The following JMJD1C variants were observed in gnomAD, a reference collection of about 807,000 sequenced individuals.
JMJD1C encodes the protein jumonji domain containing 1C.
In JMJD1C, 31 loss-of-function variants were observed where a neutral mutation model predicts 245.3. The observed-to-expected ratio is 0.13, with a 90% CI of 0.09 to 0.17. The LOEUF is 0.17. Among genes scored for constraint, JMJD1C ranks in the 10% least tolerant of loss-of-function variants. JMJD1C has a pLI of 1.00. For missense variants in JMJD1C, 2,691 were observed against 3,000.2 expected (o/e 0.90, Z 2.41); for synonymous variants, 1,057 against 1,017.4 (o/e 1.04, Z -0.74).
chr10:63,501,783 A>G (rs1000833200), intron 1 of JMJD1C, among the ~76,000 whole-genome samples: 1 of 152,210 alleles, frequency 6.6e-6, no homozygotes, highest in Non-Finnish European at 1.5e-5. Flanking sequence ...CTCAAAAAAA[A>G]AGAACAAAAC....
At chr10:63,352,926 T>C (rs565407744) in intron 2 of JMJD1C, among the ~76,000 whole-genome samples, 3 of 152,240 alleles carry the variant, frequency 2.0e-5, no homozygotes, top group African/African-American at 7.2e-5. Flanking sequence ...CTGGTGGTCC[T>C]AGAATGCTAT....
At chr10:63,231,799 AT>A (rs1482130985) in intron 3 of JMJD1C, among the ~76,000 whole-genome samples, 8 of 152,206 alleles carry the variant, frequency 5.3e-5, no homozygotes, top group African/African-American at 1.9e-4. Flanking sequence ...GTCTAAAAAA[AT>A]ATAAAATAAA....
chr10:63,212,567 C>T (rs1310315490), intron 8 of JMJD1C, among the ~76,000 whole-genome samples: 1 of 152,124 alleles, frequency 6.6e-6, no homozygotes, highest in Non-Finnish European at 1.5e-5. Flanking sequence ...TTTAGCAATA[C>T]TGTGTTAGGC....
In JMJD1C at chr10:63,337,627, AAGAAAAG is replaced by A. The variant is rs1406704570; in HGVS notation, c.333+42684_333+42690del. ...AGAAAAGAAAAGAAAAGAAAAGAAA[AAGAAAAG>A]AAAAAAAATCCGCTATTGTTCCTCA... On this transcript the variant is annotated intron_variant, in intron 2 of 25. Coordinates refer to ENST00000399262, the MANE Select transcript of JMJD1C (RefSeq NM_032776.3). Among the ~76,000 whole-genome samples, 11 of 147,550 alleles carry A rather than the reference AAGAAAAG, an allele frequency of 7.5e-5. 1 individual carries two copies. The highest frequency in any genetic ancestry group is 3.6e-3 in the Middle Eastern group (1 of 280).
intron 3 of JMJD1C, among the ~76,000 whole-genome samples, chr10:63,249,825 A>G (rs1319861832): frequency 6.6e-6 from 1 of 151,978 alleles, no homozygotes; most frequent in African/African-American, 2.4e-5. Flanking sequence ...GCACCACTGC[A>G]TTCTAGCCTG....
At chr10:63,202,502 T>C (rs1820346240) in intron 10 of JMJD1C, 8 of 985,324 alleles carry the variant, frequency 8.1e-6, no homozygotes, top group Non-Finnish European at 9.6e-6. Flanking sequence ...TGCAGAAACT[T>C]ACAAAGCACT....
intron 3 of JMJD1C, among the ~76,000 whole-genome samples, chr10:63,230,768 G>GC (rs1849866754): frequency 6.8e-6 from 1 of 148,148 alleles, no homozygotes; most frequent in East Asian, 2.1e-4. Context: ...GAGTGAGACT[G>GC]TCCCCCCCCC....
intron 2 of JMJD1C, among the ~76,000 whole-genome samples, chr10:63,301,011 A>G (rs908638400): frequency 2.0e-5 from 3 of 152,216 alleles, no homozygotes; most frequent in African/African-American, 7.2e-5. Context: ...GGGCAATAAA[A>G]GAAAATGCAT....
At chr10:63,486,210 A>AGTT (rs1259746953) in intron 1 of JMJD1C, among the ~76,000 whole-genome samples, 1 of 150,820 alleles carries the variant, frequency 6.6e-6, no homozygotes, top group Non-Finnish European at 1.5e-5. Context: ...CATGTGAGGA[A>AGTT]GTTTGAGAAA....
chr10:63,468,513 C>T (rs1953389281), upstream of JMJD1C, among the ~76,000 whole-genome samples: 1 of 151,954 alleles, frequency 6.6e-6, no homozygotes. Context: ...TAACTTGTTT[C>T]CTTACATTCT....
At chr10:63,401,986 T>G (rs138739477) in intron 1 of JMJD1C, among the ~76,000 whole-genome samples, 1 of 151,800 alleles carries the variant, frequency 6.6e-6, no homozygotes, top group Non-Finnish European at 1.5e-5. Context: ...AATACAAAAT[T>G]AGCCAGGCGT....
chr10:63,450,261 T>A (rs1332005210), intron 1 of JMJD1C, among the ~76,000 whole-genome samples: 1 of 152,042 alleles, frequency 6.6e-6, no homozygotes, highest in Non-Finnish European at 1.5e-5. Context: ...GAGGTACCCA[T>A]CTGTAGTTCC....
At chr10:63,205,987 C>T (rs554812086) in intron 10 of JMJD1C, among the ~76,000 whole-genome samples, 1 of 152,240 alleles carries the variant, frequency 6.6e-6, no homozygotes, top group South Asian at 2.1e-4. Flanking sequence ...CTGTGCCCAG[C>T]TGTGCATTCT....
At chr10:63,399,607 AATAATAC>A (rs1386233864) in intron 1 of JMJD1C, among the ~76,000 whole-genome samples, 2 of 152,194 alleles carry the variant, frequency 1.3e-5, no homozygotes, top group African/African-American at 4.8e-5. Flanking sequence ...GTCTAGAAAT[AATAATAC>A]TAACACTATG....
chr10:63,403,837 G>C (rs950679641), intron 1 of JMJD1C, among the ~76,000 whole-genome samples: 1 of 152,204 alleles, frequency 6.6e-6, no homozygotes, highest in African/African-American at 2.4e-5. Flanking sequence ...TTGGGAAGCT[G>C]AGGCAGGAGA....
chr10:63,423,597 G>A (rs776679468), intron 1 of JMJD1C, among the ~76,000 whole-genome samples: 1 of 152,104 alleles, frequency 6.6e-6, no homozygotes, highest in Non-Finnish European at 1.5e-5. Context: ...TGTCTATTTT[G>A]AATAATGGTA....
chr10:63,423,124 C>T (rs1589719554), intron 1 of JMJD1C, among the ~76,000 whole-genome samples: 2 of 152,160 alleles, frequency 1.3e-5, no homozygotes, highest in East Asian at 3.9e-4. Flanking sequence ...GCCACCACAC[C>T]CAGCTAATTT....
chr10:63,519,264 GTTGCCTTCA>G (rs1955127253), intron 1 of JMJD1C, among the ~76,000 whole-genome samples: 1 of 152,156 alleles, frequency 6.6e-6, no homozygotes, highest in South Asian at 2.1e-4. Flanking sequence ...TCCTACCTAG[GTTGCCTTCA>G]GCAACCCCTG....
chr10:63,209,859 T>C (rs1356431722), intron 8 of JMJD1C, among the ~76,000 whole-genome samples: 2 of 152,200 alleles, frequency 1.3e-5, no homozygotes, highest in African/African-American at 4.8e-5. Flanking sequence ...GAATATAAGG[T>C]GACAGCAACC....
Sources: gnomAD v4.1 joint callset for allele counts (sites outside exome capture counted in the v4.1 genomes callset) on GRCh38, gnomAD v4.1.1 for gene constraint, MANE v1.5 for transcripts, NCBI Gene and HGNC (gene_info 2026-07-23, HGNC 2026-07-21) for gene names.